The following EXT1 variants were observed in gnomAD, a reference collection of about 807,000 sequenced individuals.
EXT1 encodes exostosin-1.
Under a neutral mutation model 82.5 loss-of-function variants are expected in EXT1, and 20 were observed. The ratio of observed to expected loss-of-function variants is 0.24; its 90% CI spans 0.17 to 0.35. EXT1 has a LOEUF of 0.35. EXT1 is among the 10% of genes least tolerant of loss of function. EXT1 has a pLI of 1.00. For missense variants in EXT1, 757 were observed against 936.5 expected, an observed-to-expected ratio of 0.81 and a Z score of 2.50; for synonymous variants, 348 against 350.8, an observed-to-expected ratio of 0.99 and a Z score of 0.09.
intron 1 of EXT1, among the ~76,000 whole-genome samples, chr8:117,946,563 A>G (rs934241025): frequency 6.6e-5 from 10 of 152,180 alleles, no homozygotes; most frequent in Admixed American, 4.6e-4. Flanking sequence ...AGCAACCTAC[A>G]GGAGCGGGCA....
At chr8:118,053,267 C>T (rs915971136) in intron 1 of EXT1, among the ~76,000 whole-genome samples, 4 of 152,078 alleles carry the variant, frequency 2.6e-5, no homozygotes, top group East Asian at 1.9e-4. Context: ...CTGTGGTGGT[C>T]GTTCAGTGCC....
intron 1 of EXT1, among the ~76,000 whole-genome samples, chr8:117,850,315 G>A (rs1440053935): frequency 6.6e-6 from 1 of 152,208 alleles, no homozygotes; most frequent in Non-Finnish European, 1.5e-5. Context: ...CAGCTCTAAA[G>A]GCGATTGCAG....
At chr8:117,841,260 A>G (rs1227566866) in intron 1 of EXT1, among the ~76,000 whole-genome samples, 1 of 152,226 alleles carries the variant, frequency 6.6e-6, no homozygotes. Context: ...CTATTGATAC[A>G]CACGACAACT....
chr8:117,909,576 C>G (rs1000576767), intron 1 of EXT1, among the ~76,000 whole-genome samples: 1 of 152,042 alleles, frequency 6.6e-6, no homozygotes, highest in African/African-American at 2.4e-5. Context: ...CAGATTTAAG[C>G]TGAGCAAGGG....
chr8:117,900,441 C>T (rs576498750), intron 1 of EXT1, among the ~76,000 whole-genome samples: 16 of 152,320 alleles, frequency 1.1e-4, no homozygotes, highest in Middle Eastern at 3.4e-3. Context: ...TTCCTGAGTT[C>T]ATTCCAATTC....
At chr8:117,891,991 G>A (rs1001079440) in intron 1 of EXT1, among the ~76,000 whole-genome samples, 1 of 151,824 alleles carries the variant, frequency 6.6e-6, no homozygotes, top group Admixed American at 6.6e-5. Context: ...ATTTTTAGTA[G>A]AGGCGGGGTT....
chr8:117,848,968 C>A (rs1812411063), intron 1 of EXT1, among the ~76,000 whole-genome samples: 1 of 152,156 alleles, frequency 6.6e-6, no homozygotes, highest in South Asian at 2.1e-4. Context: ...CCGACTGGGT[C>A]CCATGAGAAC....
At chr8:117,987,197 CGGAATG>C (rs1338301785) in intron 1 of EXT1, among the ~76,000 whole-genome samples, 19 of 152,296 alleles carry the variant, frequency 1.2e-4, no homozygotes, top group Admixed American at 8.5e-4. Flanking sequence ...GTACTATGAA[CGGAATG>C]ATTGATTTTT....
rs1466491313 is a variant in EXT1, at chr8:117,797,146, A to G, written c.*2566T>C. The stretch of plus-strand genomic sequence containing the variant: ...ATGATTTGTCAACTTGTTGCAATGC[A>G]ATACAACTCTTTCCTAACTGAATTA... On this transcript the variant is annotated 3_prime_UTR_variant, in exon 11 of 11. Coordinates refer to ENST00000378204, the MANE Select transcript of EXT1 (RefSeq NM_000127.3). 1 of 152,246 alleles carries G rather than the reference A, an allele frequency of 6.6e-6. No homozygotes were observed. The highest frequency in any genetic ancestry group is 1.5e-5 in the Non-Finnish European group (1 of 68,050). 9.4% of individuals were successfully genotyped at this position (152,246 alleles called of 1,614,324 possible).
At chr8:118,045,234 A>T (rs968643713) in intron 1 of EXT1, among the ~76,000 whole-genome samples, 2 of 152,218 alleles carry the variant, frequency 1.3e-5, no homozygotes, top group African/African-American at 4.8e-5. Context: ...TATACTCAGG[A>T]TATTAGAAAT....
intron 1 of EXT1, among the ~76,000 whole-genome samples, chr8:117,937,077 C>T (rs1814179178): frequency 6.6e-6 from 1 of 152,058 alleles, no homozygotes; most frequent in Admixed American, 6.6e-5. Flanking sequence ...TTATTACTTC[C>T]CCTGCCCAAT....
Position 118,086,659 on chromosome 8 carries a change from T to C in EXT1, c.962+23426A>G, listed in dbSNP as rs190553876. On this transcript the variant is annotated intron_variant, in intron 1 of 10. Coordinates refer to ENST00000378204, the MANE Select transcript of EXT1 (RefSeq NM_000127.3). The stretch of plus-strand genomic sequence containing the variant: ...AACATGAAGGGAGAAACCGAGAATC[T>C]TGGTCTATTTAATTCAGCTTGCATT... 3.9e-5 allele frequency among the ~76,000 whole-genome samples: 6 copies of C among 152,272 alleles called. No individual in the cohort carries two copies. In the East Asian group the frequency reaches 1.2e-3, roughly 29 times the overall value.
intron 1 of EXT1, among the ~76,000 whole-genome samples, chr8:117,858,609 C>T (rs1441859919): frequency 2.0e-5 from 3 of 150,304 alleles, no homozygotes; most frequent in South Asian, 2.1e-4. Context: ...ACCTGGGAGG[C>T]GGAAGTTGCA....
At chr8:117,957,777 A>G (rs1294086020) in intron 1 of EXT1, among the ~76,000 whole-genome samples, 1 of 152,210 alleles carries the variant, frequency 6.6e-6, no homozygotes, top group Non-Finnish European at 1.5e-5. Flanking sequence ...GGAGTAAACA[A>G]AGTTTATTCT....
At chr8:118,073,692 GA>G (rs1563647843) in intron 1 of EXT1, among the ~76,000 whole-genome samples, 2 of 141,428 alleles carry the variant, frequency 1.4e-5, no homozygotes, top group Non-Finnish European at 3.1e-5. Context: ...GAGAAGAGAA[GA>G]GAAGAGAAGA....
chr8:117,856,369 C>T (rs1237953330), intron 1 of EXT1, among the ~76,000 whole-genome samples: 1 of 151,078 alleles, frequency 6.6e-6, no homozygotes, highest in Non-Finnish European at 1.5e-5. Flanking sequence ...ATTCTCCTGC[C>T]TCAGCCTCCC....
At chr8:118,033,695 G>T (rs756787000) in intron 1 of EXT1, among the ~76,000 whole-genome samples, 15 of 152,058 alleles carry the variant, frequency 9.9e-5, no homozygotes, top group Non-Finnish European at 1.9e-4. Context: ...GCCCTGATTG[G>T]TCTCCAACTC....
intron 1 of EXT1, among the ~76,000 whole-genome samples, chr8:118,065,896 C>T (rs1209586611): frequency 6.6e-6 from 1 of 152,170 alleles, no homozygotes; most frequent in Non-Finnish European, 1.5e-5. Context: ...TCTGCCTGAC[C>T]TTGGACATGG....
At chr8:118,010,176 T>C (rs1322823017) in intron 1 of EXT1, among the ~76,000 whole-genome samples, 2 of 151,778 alleles carry the variant, frequency 1.3e-5, no homozygotes, top group Non-Finnish European at 2.9e-5. Context: ...CTCGAGACCA[T>C]CCTGGCTAAC....
Sources: gnomAD v4.1 joint callset for allele counts (sites outside exome capture counted in the v4.1 genomes callset) on GRCh38, gnomAD v4.1.1 for gene constraint, MANE v1.5 for transcripts, NCBI Gene and HGNC (gene_info 2026-07-23, HGNC 2026-07-21) for gene names.